The following TRIM36 variants were observed in gnomAD, a reference collection of about 807,000 sequenced individuals.
The protein encoded by TRIM36 is tripartite motif containing 36, also known as E3 ubiquitin-protein ligase TRIM36.
In TRIM36, 42 loss-of-function variants were observed where a neutral mutation model predicts 72.4. The ratio of observed to expected loss-of-function variants is 0.58; its 90% CI spans 0.45 to 0.75. TRIM36 has a LOEUF of 0.75. Among genes scored for constraint, TRIM36 ranks in the 30% least tolerant of loss-of-function variants. The pLI is 0.00. For synonymous variants in TRIM36, 315 were observed against 282.8 expected, an observed-to-expected ratio of 1.11 and a Z score of -1.14; for missense variants, 913 against 857.1, an observed-to-expected ratio of 1.07 and a Z score of -0.81.
chr5:115,163,795 A>C (rs1754618483), intron 1 of TRIM36, 43 bp from the exon 2 acceptor site: 2 of 1,463,400 alleles, frequency 1.4e-6, no homozygotes, highest in East Asian at 2.3e-5. Context: ...TTAGTGGGTA[A>C]ATATATTAAC....
At chr5:115,161,732 G>T (rs936576109) in intron 2 of TRIM36, among the ~76,000 whole-genome samples, 2 of 152,142 alleles carry the variant, frequency 1.3e-5, no homozygotes, top group African/African-American at 4.8e-5. Flanking sequence ...CTCCAATAAG[G>T]AGTCGTAAAA....
chr5:115,127,974 T>C (rs892982104), intron 9 of TRIM36, among the ~76,000 whole-genome samples: 1 of 151,994 alleles, frequency 6.6e-6, no homozygotes, highest in African/African-American at 2.4e-5. Context: ...ATTGATGATG[T>C]TGACCCTGGA....
At chr5:115,164,550 A>G (rs1189976516) in intron 1 of TRIM36, among the ~76,000 whole-genome samples, 4 of 152,222 alleles carry the variant, frequency 2.6e-5, no homozygotes, top group Admixed American at 2.6e-4. Flanking sequence ...ATACTGCCTT[A>G]CAAAACCATC....
In TRIM36 at chr5:115,169,895, C is replaced by A. The variant is rs1291288930; in HGVS notation, c.-261G>T. On this transcript the variant is annotated 5_prime_UTR_variant, in exon 1 of 10. Transcript: ENST00000513154. ...GCCCAGCTGCCGGCTGCAGCAGCGG[C>A]TCCTGCGGACTGCGGCTGGGAACGG... is the stretch of plus-strand genomic sequence containing the variant. 23 of 1,296,462 alleles carry A rather than the reference C, an allele frequency of 1.8e-5. No homozygotes were observed. The highest frequency in any genetic ancestry group is 3.1e-5 in the African/African-American group (2 of 64,732). 80.3% of individuals were successfully genotyped at this position (1,296,462 alleles called of 1,614,324 possible).
intron 2 of TRIM36, among the ~76,000 whole-genome samples, chr5:115,162,498 T>C (rs753374307): frequency 6.6e-6 from 1 of 152,206 alleles, no homozygotes; most frequent in African/African-American, 2.4e-5. Flanking sequence ...TTGTTCTTCA[T>C]ATGAATCACA....
intron 7 of TRIM36, among the ~76,000 whole-genome samples, chr5:115,134,989 G>A (rs953279637): frequency 6.6e-6 from 1 of 152,042 alleles, no homozygotes; most frequent in Non-Finnish European, 1.5e-5. Context: ...CTAACTCAAA[G>A]GTAATTACTA....
At chr5:115,160,595 T>C (rs1052470090) in intron 2 of TRIM36, among the ~76,000 whole-genome samples, 12 of 152,130 alleles carry the variant, frequency 7.9e-5, no homozygotes, top group African/African-American at 2.7e-4. Context: ...CCCAGCACTT[T>C]GGAAGGCCAA....
In TRIM36 at chr5:115,136,792, A is replaced by T. The variant is rs180796686; in HGVS notation, c.1210+208T>A. ...ACATAATGCTATTTATGCAATGTTT[A>T]AAAACACACAAACTAATGGAACATA... On this transcript the variant is annotated intron_variant, in intron 7 of 9. Coordinates refer to ENST00000513154, the MANE Select transcript of TRIM36 (RefSeq NM_001300759.2). Among the ~76,000 whole-genome samples the T allele has an allele frequency of 2.6e-5, 4 of 152,354 alleles. No homozygotes were observed. The East Asian group carries it at 7.7e-4, about 29-fold the overall frequency.
intron 2 of TRIM36, among the ~76,000 whole-genome samples, chr5:115,158,337 T>C (rs1212063992): frequency 6.6e-6 from 1 of 152,182 alleles, no homozygotes; most frequent in Middle Eastern, 3.2e-3. Flanking sequence ...AAATAAAGAC[T>C]CTAAAAAATT....
chr5:115,145,485 C>G (rs905694279), intron 3 of TRIM36, among the ~76,000 whole-genome samples: 1 of 152,184 alleles, frequency 6.6e-6, no homozygotes, highest in East Asian at 1.9e-4. Context: ...AGATTTTAAG[C>G]AATTGTAACT....
intron 4 of TRIM36, among the ~76,000 whole-genome samples, chr5:115,143,777 AGAT>A (rs1169172387): frequency 8.5e-5 from 13 of 152,228 alleles, no homozygotes; most frequent in African/African-American, 2.7e-4. Flanking sequence ...TAAAACGAAA[AGAT>A]AGTAGTGTAC....
chr5:115,140,847 G>C (rs559192294), intron 5 of TRIM36, among the ~76,000 whole-genome samples: 2 of 152,104 alleles, frequency 1.3e-5, no homozygotes, highest in Admixed American at 1.3e-4. Context: ...TATGTCTTTT[G>C]GGGAACATAT....
intron 2 of TRIM36, among the ~76,000 whole-genome samples, chr5:115,163,278 A>G (rs1447128581): frequency 1.3e-5 from 2 of 152,166 alleles, no homozygotes; most frequent in Non-Finnish European, 2.9e-5. Context: ...GTTAATAAGG[A>G]GTTTAACACA....
intron 5 of TRIM36, among the ~76,000 whole-genome samples, chr5:115,140,663 T>G (rs1476677482): frequency 6.6e-6 from 1 of 152,204 alleles, no homozygotes; most frequent in Non-Finnish European, 1.5e-5. Context: ...ACATAGTATG[T>G]ATTCCTTTGT....
intron 2 of TRIM36, among the ~76,000 whole-genome samples, chr5:115,155,902 AC>A (rs1362587272): frequency 1.1e-4 from 16 of 152,196 alleles, no homozygotes; most frequent in African/African-American, 3.9e-4. Context: ...TACCTCGAAA[AC>A]CCTAAAGCCT....
chr5:115,135,020 C>T (rs1018546682), intron 7 of TRIM36, among the ~76,000 whole-genome samples: 5 of 152,068 alleles, frequency 3.3e-5, no homozygotes, highest in African/African-American at 9.7e-5. Flanking sequence ...GTATAGATCT[C>T]GCCAGTATTT....
At chr5:115,127,569 A>T (rs1000708908) in intron 9 of TRIM36, among the ~76,000 whole-genome samples, 1 of 152,224 alleles carries the variant, frequency 6.6e-6, no homozygotes, top group East Asian at 1.9e-4. Flanking sequence ...TTAAATAAAT[A>T]AATTCATTCA....
chr5:115,154,839 C>A (rs770698498), intron 2 of TRIM36, among the ~76,000 whole-genome samples: 1 of 152,052 alleles, frequency 6.6e-6, no homozygotes, highest in Non-Finnish European at 1.5e-5. Context: ...TTCTGTGAAG[C>A]CAGTATCACC....
chr5:115,170,295 T>A (rs550031256), upstream of TRIM36, among the ~76,000 whole-genome samples: 1 of 152,308 alleles, frequency 6.6e-6, no homozygotes, highest in Admixed American at 6.5e-5. Context: ...GCTGCAGCCC[T>A]GGCCCCTGGC....
Sources: allele counts gnomAD v4.1 joint callset (sites outside exome capture counted in the v4.1 genomes callset), GRCh38; gene constraint gnomAD v4.1.1; transcripts MANE v1.5; gene names NCBI Gene and HGNC (gene_info 2026-07-23, HGNC 2026-07-21).